Variants in NXPH1 observed in about 807,000 individuals in gnomAD.
The protein encoded by NXPH1 is neurexophilin-1.
A neutral mutation model predicts 23.7 loss-of-function variants in NXPH1; 5 were observed. The observed-to-expected ratio is 0.21, with a 90% CI of 0.11 to 0.44. NXPH1 has a LOEUF of 0.44. Ranked by LOEUF, NXPH1 falls within the 20% of genes least tolerant of loss-of-function variation. NXPH1 has a pLI of 0.99. For missense variants in NXPH1, 324 were observed against 321.6 expected, an observed-to-expected ratio of 1.01 and a Z score of -0.06; for synonymous variants, 144 against 122.2, an observed-to-expected ratio of 1.18 and a Z score of -1.18.
intron 2 of NXPH1, among the ~76,000 whole-genome samples, chr7:8,598,705 T>G (rs1819286079): frequency 6.6e-6 from 1 of 152,222 alleles, no homozygotes; most frequent in African/African-American, 2.4e-5. Flanking sequence ...TACTTGTATC[T>G]CTGTTATTAT....
At chr7:8,737,840 C>G (rs1044266140) in intron 2 of NXPH1, among the ~76,000 whole-genome samples, 2 of 152,108 alleles carry the variant, frequency 1.3e-5, no homozygotes, top group African/African-American at 4.8e-5. Flanking sequence ...CCTTTTCATT[C>G]TTTTTTCTCT....
chr7:8,515,265 G>A (rs999370899), intron 2 of NXPH1, among the ~76,000 whole-genome samples: 1 of 152,064 alleles, frequency 6.6e-6, no homozygotes, highest in African/African-American at 2.4e-5. Context: ...ATAAATTAGA[G>A]AACAGTTCTG....
At chr7:8,522,041 T>G (rs567466504) in intron 2 of NXPH1, among the ~76,000 whole-genome samples, 1 of 152,320 alleles carries the variant, frequency 6.6e-6, no homozygotes, top group South Asian at 2.1e-4. Context: ...TTTGTTTTAT[T>G]GAAATACTAA....
At chr7:8,708,781 C>T (rs1013580177) in intron 2 of NXPH1, among the ~76,000 whole-genome samples, 4 of 152,076 alleles carry the variant, frequency 2.6e-5, no homozygotes, top group Non-Finnish European at 4.4e-5. Context: ...TTATGAAATT[C>T]ACTTTTGATG....
At chr7:8,647,329 A>G (rs1583213054) in intron 2 of NXPH1, among the ~76,000 whole-genome samples, 1 of 151,890 alleles carries the variant, frequency 6.6e-6, no homozygotes, top group East Asian at 1.9e-4. Context: ...AGAAGAGAAA[A>G]CCTCCAGACC....
At chr7:8,717,483 A>C (rs923459697) in intron 2 of NXPH1, among the ~76,000 whole-genome samples, 8 of 152,160 alleles carry the variant, frequency 5.3e-5, no homozygotes, top group Admixed American at 4.6e-4. Flanking sequence ...AAAACCCCTT[A>C]GATGTATCTA....
chr7:8,614,436 A>C (rs1305881370), intron 2 of NXPH1, among the ~76,000 whole-genome samples: 1 of 151,156 alleles, frequency 6.6e-6, no homozygotes, highest in South Asian at 2.1e-4. Flanking sequence ...ATATGTCTGT[A>C]TGTGTATATA....
chr7:8,738,412 TCC>T (rs1780299373), intron 2 of NXPH1, among the ~76,000 whole-genome samples: 2 of 152,166 alleles, frequency 1.3e-5, no homozygotes, highest in South Asian at 2.1e-4. Flanking sequence ...TTGCTGGAGG[TCC>T]ACTCCAGACC....
chr7:8,511,430 C>A (rs183945479), intron 2 of NXPH1, among the ~76,000 whole-genome samples: 4 of 152,230 alleles, frequency 2.6e-5, no homozygotes, highest in African/African-American at 9.6e-5. Flanking sequence ...CTGCTGCATG[C>A]GGCCTGGGCT....
intron 2 of NXPH1, among the ~76,000 whole-genome samples, chr7:8,458,735 C>A (rs540388655): frequency 1.3e-5 from 2 of 151,984 alleles, no homozygotes; most frequent in South Asian, 2.1e-4. Flanking sequence ...AAAGAATAAC[C>A]TTTAATTAAT....
chr7:8,626,174 T>A (rs772878531), intron 2 of NXPH1, among the ~76,000 whole-genome samples: 12 of 151,816 alleles, frequency 7.9e-5, no homozygotes, highest in Non-Finnish European at 1.3e-4. Context: ...TTTAACCTGA[T>A]GAGGAAAGTC....
At position 8,583,313 on chromosome 7, in the gene NXPH1, G is replaced by A. The variant is rs559748745; in HGVS notation, c.54+147546G>A. On this transcript the variant is annotated intron_variant, in intron 2 of 2. Coordinates refer to ENST00000405863, the MANE Select transcript of NXPH1 (RefSeq NM_152745.3). ...GCCTTCTGGGGTCTGGAATCAGAGT[G>A]TCTGAGTTTGAATCCTGGCACAGCC... Among the ~76,000 whole-genome samples, 321 of 152,320 alleles carry A rather than the reference G, an allele frequency of 2.1e-3. 3 individuals are homozygous for A. Among genetic ancestry groups the A allele is most frequent in the African/African-American group, 7.4e-3 (307 of 41,574 alleles).
chr7:8,526,452 G>GA (rs1817863736), intron 2 of NXPH1, among the ~76,000 whole-genome samples: 1 of 152,182 alleles, frequency 6.6e-6, no homozygotes, highest in African/African-American at 2.4e-5. Context: ...GGACTGTTGG[G>GA]AAGGCATGAT....
At chr7:8,473,361 T>TC (rs1563320630) in intron 2 of NXPH1, among the ~76,000 whole-genome samples, 2 of 152,156 alleles carry the variant, frequency 1.3e-5, no homozygotes, top group Non-Finnish European at 2.9e-5. Flanking sequence ...AAAGCCTTTT[T>TC]CCCACTGCTA....
In NXPH1 at chr7:8,660,358, T is replaced by A. The variant is rs952673308; in HGVS notation, c.55-90650T>A. ...CTTACAACTCTTAACTTACTGAACC[T>A]TTAGCTCTTAAAACTCTGTTAACTT... On this transcript the variant is annotated intron_variant, in intron 2 of 2. Transcript: ENST00000405863. Among the ~76,000 whole-genome samples the A allele has an allele frequency of 2.6e-5, 4 of 152,296 alleles. No individual in the cohort carries two copies. The South Asian group carries it at 6.2e-4, about 24-fold the overall frequency.
At chr7:8,459,841 T>C (rs1816662632) in intron 2 of NXPH1, among the ~76,000 whole-genome samples, 1 of 152,188 alleles carries the variant, frequency 6.6e-6, no homozygotes, top group Non-Finnish European at 1.5e-5. Flanking sequence ...CAATAAATAT[T>C]TGTTGCACGA....
intron 2 of NXPH1, among the ~76,000 whole-genome samples, chr7:8,470,650 A>C (rs1168860631): frequency 6.6e-6 from 1 of 152,184 alleles, no homozygotes. Context: ...TGAGCATGAA[A>C]TAAACACCCA....
intron 2 of NXPH1, among the ~76,000 whole-genome samples, chr7:8,688,384 G>A (rs1821178818): frequency 6.6e-6 from 1 of 152,086 alleles, no homozygotes; most frequent in Admixed American, 6.6e-5. Context: ...TTAATGTCCT[G>A]TAGTATATAT....
chr7:8,611,670 A>G (rs1046187988), intron 2 of NXPH1, among the ~76,000 whole-genome samples: 7 of 152,164 alleles, frequency 4.6e-5, no homozygotes, highest in Non-Finnish European at 1.0e-4. Flanking sequence ...TATTTAACAA[A>G]TATGTTTTCA....
Sources: allele counts gnomAD v4.1 joint callset (sites outside exome capture counted in the v4.1 genomes callset), GRCh38; gene constraint gnomAD v4.1.1; transcripts MANE v1.5; gene names NCBI Gene and HGNC (gene_info 2026-07-23, HGNC 2026-07-21).